PHF2: variants seen among roughly 807,000 people sequenced by gnomAD.
PHF2 encodes PHD finger protein 2.
Under a neutral mutation model 120.5 loss-of-function variants are expected in PHF2, and 27 were observed. The observed-to-expected ratio is 0.22, with a 90% CI of 0.17 to 0.31. PHF2 has a LOEUF of 0.31. Ranked by LOEUF, PHF2 falls within the 10% of genes least tolerant of loss-of-function variation. The pLI is 1.00. For missense variants in PHF2, 1,024 were observed against 1,434.8 expected (o/e 0.71, Z 4.63); for synonymous variants, 568 against 592.5 (o/e 0.96, Z 0.60).
Position 93,676,723 on chromosome 9 carries a change from C to T in PHF2, c.2962C>T (p.Pro988Ser). The T allele has an allele frequency of 7.0e-7, 1 of 1,429,300 alleles. No individual in the cohort carries two copies. The highest frequency in any genetic ancestry group is 9.2e-7 in the Non-Finnish European group (1 of 1,092,760). The allele number at this position is 1,429,300 out of a possible 1,614,324, so 88.5% of individuals were successfully genotyped here. A position where few individuals can be genotyped will look rare whatever the true frequency, so the allele number is the denominator to read the frequency against. Reference protein sequence around the residue: ...STSTTPASTTPASTTPASTST... With the variant: ...STSTTPASTTSASTTPASTST... Reference sequence around the variant, plus strand: ...CTCCACCACGCCAGCCTCTACCACCCCGGCCTCCACCACCCCGGCCTCCAC... The same window carrying T: ...CTCCACCACGCCAGCCTCTACCACCTCGGCCTCCACCACCCCGGCCTCCAC... The change falls in exon 21 of 22, where the codon CCG becomes TCG. Residue 988 changes from proline (P) to serine (S), a missense_variant. By Grantham distance (74) the Pro-to-Ser change is moderately conservative. Around this residue, in one of 2 missense-constraint regions of PHF2, gnomAD observed 677 missense variants for 857.4 expected, o/e 0.79. Coordinates refer to ENST00000359246, the MANE Select transcript of PHF2 (RefSeq NM_005392.4).
At position 93,667,165 on chromosome 9, in the gene PHF2, G is replaced by A; in HGVS notation, c.2273G>A (p.Gly758Glu). 1 of 1,613,166 alleles carries A rather than the reference G, an allele frequency of 6.2e-7. No homozygotes were observed. Among genetic ancestry groups the A allele is most frequent in the Non-Finnish European group, 8.5e-7 (1 of 1,179,978 alleles). The change falls in exon 17 of 22, where the codon GGG becomes GAG. Residue 758 changes from glycine to glutamate, a missense_variant. Coordinates refer to ENST00000359246, the MANE Select transcript of PHF2 (RefSeq NM_005392.4). Reference sequence around the variant, plus strand: ...AATGCCAGAGTCAAGAAGGAGAGTGGGAGCTCGGCAGCTGGCATCTTGGAC... The same window carrying A: ...AATGCCAGAGTCAAGAAGGAGAGTGAGAGCTCGGCAGCTGGCATCTTGGAC... ...GRNARVKKES[G>E]SSAAGILDLL...
chr9:93,627,161 A>G (rs1825926509), intron 1 of PHF2, among the ~76,000 whole-genome samples: 1 of 152,166 alleles, frequency 6.6e-6, no homozygotes. Context: ...ATTTCTTTGT[A>G]TCCTTTAAGA....
intron 1 of PHF2, among the ~76,000 whole-genome samples, chr9:93,608,611 T>G (rs1587678118): frequency 6.6e-6 from 1 of 152,154 alleles, no homozygotes; most frequent in East Asian, 1.9e-4. Flanking sequence ...ATTATTCAAT[T>G]TCTTTAATAG....
chr9:93,593,105 A>AAAAAAAAAAAAAAAAAAAAAAAAGG (rs1554790887), intron 1 of PHF2, among the ~76,000 whole-genome samples: 1 of 122,714 alleles, frequency 8.1e-6, no homozygotes, highest in African/African-American at 3.3e-5. Flanking sequence ...AAAAAAAAAA[A>AAAAAAAAAAAAAAAAAAAAAAAAGG]AAAAAAGAAA....
chr9:93,647,588 A>G (rs748924990), intron 4 of PHF2, among the ~76,000 whole-genome samples: 5 of 152,160 alleles, frequency 3.3e-5, no homozygotes, highest in Non-Finnish European at 5.9e-5. Context: ...TTCTCTTTGT[A>G]GTATTTTAAA....
intron 1 of PHF2, among the ~76,000 whole-genome samples, chr9:93,578,576 C>T (rs904383461): frequency 1.3e-5 from 2 of 152,232 alleles, no homozygotes; most frequent in Admixed American, 1.3e-4. Flanking sequence ...CTCCTGGCTG[C>T]TGCCCACACT....
At chr9:93,667,310 A>G in intron 17 of PHF2, 70 bp downstream of exon 17, 2 of 1,534,896 alleles carry the variant, frequency 1.3e-6, no homozygotes, top group Non-Finnish European at 8.8e-7. Context: ...CTCGGCCATG[A>G]TGGTGGGAGC....
At chr9:93,593,105 A>AG (rs762205352) in intron 1 of PHF2, among the ~76,000 whole-genome samples, 2 of 122,716 alleles carry the variant, frequency 1.6e-5, no homozygotes, top group Non-Finnish European at 3.3e-5. Context: ...AAAAAAAAAA[A>AG]AAAAAAGAAA....
At position 93,675,040 on chromosome 9, in the gene PHF2, G is replaced by A; in HGVS notation, c.2722+18G>A. The stretch of plus-strand genomic sequence containing the variant: ...CCCAACAGGTAGTGCTGGGACAGGG[G>A]TAGGGGGTCCACCTGACACCCAGTG... On this transcript the variant is annotated intron_variant, in intron 19 of 21. Transcript: ENST00000359246. The A allele has an allele frequency of 6.3e-7, 1 of 1,596,620 alleles. No individual in the cohort carries two copies. The highest frequency in any genetic ancestry group is 1.3e-5 in the African/African-American group (1 of 74,766).
rs35505758 is a variant in PHF2 at position 93,645,671 on chromosome 9, G to A, written c.342G>A (p.Thr114=). ...VVARVPGSQL[T]LGYMEEHGFT... The stretch of plus-strand genomic sequence containing the variant: ...CCCGTGTGCCAGGAAGTCAGCTCAC[G>A]CTGGGCTACATGGAGGAGCACGGCT... The change falls in exon 4 of 22, where the codon ACG becomes ACA. Residue 114 remains threonine, a synonymous_variant. Transcript: ENST00000359246. 0.018 allele frequency: 29,483 copies of A among 1,611,392 alleles called. 345 individuals carry two copies. Among genetic ancestry groups the A allele is most frequent in the Middle Eastern group, 0.032 (188 of 5,800 alleles).
intron 17 of PHF2, among the ~76,000 whole-genome samples, chr9:93,671,356 G>A (rs926920094): frequency 2.8e-5 from 4 of 144,392 alleles, no homozygotes; most frequent in South Asian, 2.2e-4. Flanking sequence ...AGGGTCAGGT[G>A]TAGATGCAGG....
At chr9:93,646,192 C>T (rs115953189) in intron 4 of PHF2, among the ~76,000 whole-genome samples, 2,915 of 152,348 alleles carry the variant, frequency 0.019, 88 homozygotes, top group African/African-American at 0.066. Context: ...TGACCTGCCC[C>T]CACGGCACCA....
chr9:93,579,907 C>T (rs1363353127), intron 1 of PHF2, among the ~76,000 whole-genome samples: 2 of 152,222 alleles, frequency 1.3e-5, no homozygotes, highest in Non-Finnish European at 2.9e-5. Flanking sequence ...TACTCAGGGA[C>T]TCTGAGCATC....
At chr9:93,647,015 G>A (rs1174461500) in intron 4 of PHF2, among the ~76,000 whole-genome samples, 2 of 152,198 alleles carry the variant, frequency 1.3e-5, no homozygotes, top group African/African-American at 4.8e-5. Flanking sequence ...CCCTGGTCTC[G>A]CCTGTGCTCG....
intron 1 of PHF2, among the ~76,000 whole-genome samples, chr9:93,596,044 C>G (rs1405947684): frequency 4.6e-5 from 7 of 152,174 alleles, no homozygotes; most frequent in Non-Finnish European, 7.3e-5. Context: ...GGCGAACTGC[C>G]CTCCCGGCTC....
At chr9:93,675,106 G>T in intron 19 of PHF2, 84 bp downstream of exon 19, 1 of 1,101,764 alleles carries the variant, frequency 9.1e-7, no homozygotes, top group South Asian at 1.3e-5. Context: ...CAGCCCCTGA[G>T]AATGTGGGCT....
At chr9:93,668,780 G>A (rs943059588) in intron 17 of PHF2, among the ~76,000 whole-genome samples, 7 of 152,208 alleles carry the variant, frequency 4.6e-5, no homozygotes, top group South Asian at 4.1e-4. Context: ...CCCGTGCCTC[G>A]GAGCAGTGTG....
intron 1 of PHF2, among the ~76,000 whole-genome samples, chr9:93,627,806 GAGGATGGGGAATTGGGGA>G (rs1825939432): frequency 6.6e-6 from 1 of 152,176 alleles, no homozygotes; most frequent in Non-Finnish European, 1.5e-5. Context: ...GTGTCTTGGG[GAGGATGGGGAATTGGGGA>G]AGGATTGGGA....
intron 3 of PHF2, among the ~76,000 whole-genome samples, chr9:93,644,222 A>G (rs983743372): frequency 2.0e-5 from 3 of 152,082 alleles, no homozygotes; most frequent in African/African-American, 4.8e-5. Context: ...CCCCATCTCT[A>G]CTAAAAGTAC....
Sources: gnomAD v4.1 joint callset for allele counts (sites outside exome capture counted in the v4.1 genomes callset) on GRCh38, gnomAD v4.1.1 for gene constraint, gnomAD v4.1.1 regional missense constraint, MANE v1.5 for transcripts, NCBI Gene and HGNC (gene_info 2026-07-23, HGNC 2026-07-21) for gene names.